Variants in MAP2K1 observed in about 807,000 individuals in gnomAD.
MAP2K1 encodes the protein dual specificity mitogen-activated protein kinase kinase 1.
Under a neutral mutation model 46.3 loss-of-function variants are expected in MAP2K1, and 16 were observed. The ratio of observed to expected loss-of-function variants is 0.35; its 90% CI spans 0.23 to 0.52. The LOEUF is 0.52. Ranked by LOEUF, MAP2K1 falls within the 20% of genes least tolerant of loss-of-function variation. The pLI is 0.94. For synonymous variants in MAP2K1, 183 were observed against 185.6 expected (o/e 0.99, Z 0.11); for missense variants, 263 against 497.1 (o/e 0.53, Z 4.48).
At chr15:66,473,173 G>A (rs1313071061) in intron 5 of MAP2K1, among the ~76,000 whole-genome samples, 1 of 152,154 alleles carries the variant, frequency 6.6e-6, no homozygotes, top group East Asian at 1.9e-4. Flanking sequence ...GAAATATGCT[G>A]TTTTAATGTT....
chr15:66,420,721 A>ATATATATATATGTG lies in MAP2K1; in HGVS notation c.81-14305_81-14304insATATATATATGTGT, dbSNP rs1461381065. On this transcript the variant is annotated intron_variant, in intron 1 of 10. Transcript: ENST00000307102. ...TTACTCTTGGCATATATATATATAT[A>ATATATATATATGTG]TGTGTGTGTGTGTGTGTGTGTGTGT... is the stretch of plus-strand genomic sequence containing the variant. Among the ~76,000 whole-genome samples, 3 of 29,684 alleles carry ATATATATATATGTG rather than the reference A, an allele frequency of 1.0e-4. 1 individual carries two copies. Among genetic ancestry groups the ATATATATATATGTG allele is most frequent in the African/African-American group, 3.5e-4 (3 of 8,500 alleles). 19.5% of individuals were successfully genotyped at this position (29,684 alleles called of 152,430 possible).
intron 5 of MAP2K1, among the ~76,000 whole-genome samples, chr15:66,469,497 T>TTTTTTTTTTTG (rs1555419237): frequency 6.9e-6 from 1 of 144,926 alleles, no homozygotes. Context: ...TTTTTTTTTT[T>TTTTTTTTTTTG]TTGTTGAGGA....
At chr15:66,474,200 C>A (rs1386501489) in intron 5 of MAP2K1, among the ~76,000 whole-genome samples, 2 of 152,028 alleles carry the variant, frequency 1.3e-5, no homozygotes, top group Non-Finnish European at 2.9e-5. Flanking sequence ...ACTTAAAATG[C>A]AGTTTCTGGG....
At chr15:66,455,970 C>T (rs561439501) in intron 5 of MAP2K1, among the ~76,000 whole-genome samples, 4 of 152,186 alleles carry the variant, frequency 2.6e-5, no homozygotes, top group Non-Finnish European at 5.9e-5. Context: ...GGGTATAGAT[C>T]TGTCACCCCT....
chr15:66,482,490 A>G (rs1262329321), intron 6 of MAP2K1, among the ~76,000 whole-genome samples: 1 of 152,048 alleles, frequency 6.6e-6, no homozygotes, highest in Non-Finnish European at 1.5e-5. Context: ...TCTCTGCTCC[A>G]CTTCAGCCAA....
intron 5 of MAP2K1, among the ~76,000 whole-genome samples, chr15:66,455,168 A>G (rs1892135206): frequency 6.6e-6 from 1 of 152,228 alleles, no homozygotes; most frequent in Non-Finnish European, 1.5e-5. Flanking sequence ...ACAGTCATGC[A>G]GATATCAAGG....
intron 5 of MAP2K1, among the ~76,000 whole-genome samples, chr15:66,470,811 G>A (rs1029261867): frequency 2.4e-4 from 37 of 152,300 alleles, no homozygotes; most frequent in African/African-American, 8.7e-4. Flanking sequence ...GGTTTATTTT[G>A]CCAAGGTTGA....
chr15:66,444,939 C>T, intron 5 of MAP2K1: 1 of 536,152 alleles, frequency 1.9e-6, no homozygotes, highest in South Asian at 2.1e-5. Flanking sequence ...CATAGTCACC[C>T]TGGAAGCCCA....
At chr15:66,488,959 A>G in intron 8 of MAP2K1, 1 of 571,508 alleles carries the variant, frequency 1.7e-6, no homozygotes. Flanking sequence ...AAATCACCCG[A>G]CAAGTGAGTG....
intron 8 of MAP2K1, among the ~76,000 whole-genome samples, chr15:66,487,900 G>A (rs545671469): frequency 1.8e-4 from 27 of 152,272 alleles, no homozygotes; most frequent in South Asian, 1.0e-3. Context: ...GTCTCCTAGT[G>A]TGCACTGCTT....
intron 5 of MAP2K1, among the ~76,000 whole-genome samples, chr15:66,454,719 A>G (rs1043656106): frequency 1.4e-4 from 21 of 152,070 alleles, no homozygotes; most frequent in Admixed American, 2.0e-4. Flanking sequence ...CCCCATCTCT[A>G]CTAAAAATAC....
At chr15:66,442,172 G>C (rs1285042834) in intron 3 of MAP2K1, among the ~76,000 whole-genome samples, 2 of 152,092 alleles carry the variant, frequency 1.3e-5, no homozygotes, top group African/African-American at 4.8e-5. Flanking sequence ...CCAGAGTCTT[G>C]TTTGTCTCCC....
At chr15:66,418,783 C>G (rs1453797087) in intron 1 of MAP2K1, among the ~76,000 whole-genome samples, 1 of 151,704 alleles carries the variant, frequency 6.6e-6, no homozygotes, top group South Asian at 2.1e-4. Flanking sequence ...CTGCCTCAGC[C>G]TCCCGAGCAC....
chr15:66,475,482 C>T (rs1429386840), intron 5 of MAP2K1, among the ~76,000 whole-genome samples: 2 of 152,210 alleles, frequency 1.3e-5, no homozygotes, highest in Non-Finnish European at 2.9e-5. Context: ...TCCACCTCTT[C>T]TCTTTCTTTT....
chr15:66,416,128 T>C (rs971831382), intron 1 of MAP2K1, among the ~76,000 whole-genome samples: 5 of 152,172 alleles, frequency 3.3e-5, no homozygotes, highest in Non-Finnish European at 7.3e-5. Flanking sequence ...AGGATTAAAC[T>C]TGGGGATTAC....
At chr15:66,478,293 T>C (rs1892810459) in intron 5 of MAP2K1, among the ~76,000 whole-genome samples, 1 of 146,826 alleles carries the variant, frequency 6.8e-6, no homozygotes, top group African/African-American at 2.5e-5. Flanking sequence ...ATATATACTA[T>C]ATATACCTGT....
intron 1 of MAP2K1, among the ~76,000 whole-genome samples, chr15:66,428,773 CTTTTTTTTT>C (rs1196428468): frequency 2.4e-4 from 19 of 78,196 alleles, no homozygotes; most frequent in Admixed American, 6.4e-4. Context: ...ATTTTCTTTC[CTTTTTTTTT>C]TTTTTTTTTT....
rs772184184 is a variant in MAP2K1 at position 66,484,943 on chromosome 15, G to A, written c.694-47G>A. 7.3e-6 allele frequency: 11 copies of A among 1,497,864 alleles called. No homozygotes were observed. In the South Asian group the frequency reaches 1.2e-4, roughly 17 times the overall value. 92.8% of individuals were successfully genotyped at this position (1,497,864 alleles called of 1,614,324 possible). A position where few individuals can be genotyped will look rare whatever the true frequency, so the allele number is the denominator to read the frequency against. ...AGAGAAAATGCATTAGCAGACCCAG[G>A]GGTCCAAGTTAGGTTAGGTGATTAT... On this transcript the variant is annotated intron_variant, in intron 6 of 10. Transcript: ENST00000307102.
At chr15:66,436,306 G>A (rs536029334) in intron 2 of MAP2K1, among the ~76,000 whole-genome samples, 2 of 152,286 alleles carry the variant, frequency 1.3e-5, no homozygotes, top group East Asian at 3.9e-4. Context: ...ATGACATAAG[G>A]TAGCACCTTA....
Sources: allele counts gnomAD v4.1 joint callset (sites outside exome capture counted in the v4.1 genomes callset), GRCh38; gene constraint gnomAD v4.1.1; transcripts MANE v1.5; gene names NCBI Gene and HGNC (gene_info 2026-07-23, HGNC 2026-07-21).